MKLN1: variants seen among roughly 807,000 people sequenced by gnomAD.
MKLN1 encodes the protein muskelin 1.
MKLN1 carries 18 observed loss-of-function variants against 99.0 expected under a neutral mutation model. The observed-to-expected ratio is 0.18, with a 90% CI of 0.13 to 0.27. The LOEUF is 0.27. MKLN1 is among the 10% of genes least tolerant of loss of function. MKLN1 has a pLI of 1.00. For synonymous variants in MKLN1, 288 were observed against 293.2 expected (o/e 0.98, Z 0.18); for missense variants, 621 against 875.9 (o/e 0.71, Z 3.67).
rs149450738 is a variant in MKLN1, at chr7:131,289,054, G to T, written c.-179+86080G>T. Reference sequence around the variant, plus strand: ...TGCCCAGGCTAGTCTTGAACTCCTGGGCTCAGGCAATCCTTCCACCTCAGC... The same window carrying T: ...TGCCCAGGCTAGTCTTGAACTCCTGTGCTCAGGCAATCCTTCCACCTCAGC... On this transcript the variant is annotated intron_variant, in intron 3 of 7. Coordinates refer to the MKLN1 transcript ENST00000416992. 1.5e-3 allele frequency among the ~76,000 whole-genome samples: 227 copies of T among 152,132 alleles called. 5 individuals carry two copies. The East Asian group carries it at 0.034, about 23-fold the overall frequency.
At chr7:131,195,276 C>T (rs1796624867) in intron 2 of MKLN1, among the ~76,000 whole-genome samples, 3 of 151,838 alleles carry the variant, frequency 2.0e-5, no homozygotes, top group South Asian at 2.1e-4. Context: ...TTTGGGAGAC[C>T]GAGGCGGGTG....
chr7:131,186,957 G>A (rs1422561458), intron 2 of MKLN1, among the ~76,000 whole-genome samples: 2 of 152,162 alleles, frequency 1.3e-5, no homozygotes, highest in Admixed American at 6.5e-5. Context: ...TAAGAGAAGA[G>A]GGCTAAGTGT....
In MKLN1 at chr7:131,289,157, A is replaced by C. The variant is rs143954902; in HGVS notation, c.-179+86183A>C. 5.5e-3 allele frequency among the ~76,000 whole-genome samples: 831 copies of C among 152,240 alleles called. 8 individuals are homozygous for C. The highest frequency in any genetic ancestry group is 0.019 in the African/African-American group (778 of 41,550). On this transcript the variant is annotated intron_variant, in intron 3 of 7. Transcript: ENST00000416992. ...CTTCTTGACAAACCATCTCATGAGC[A>C]TAGGTCTGATGCCCTAGATCAGGTG... is the stretch of plus-strand genomic sequence containing the variant.
intron 1 of MKLN1, among the ~76,000 whole-genome samples, chr7:131,111,291 T>C (rs1341222834): frequency 6.6e-6 from 1 of 152,232 alleles, no homozygotes; most frequent in Non-Finnish European, 1.5e-5. Context: ...CTCAGGGTGT[T>C]ATTAAAATGA....
At chr7:131,289,934 A>G (rs4731779) in intron 3 of MKLN1, among the ~76,000 whole-genome samples, 136,337 of 152,244 alleles carry the variant, frequency 0.9, 61,114 homozygotes, top group East Asian at 0.96. Flanking sequence ...CTTCTAGGGG[A>G]ACACATGACC....
At chr7:131,277,722 G>C (rs1318414872) in intron 3 of MKLN1, among the ~76,000 whole-genome samples, 1 of 151,998 alleles carries the variant, frequency 6.6e-6, no homozygotes, top group African/African-American at 2.4e-5. Flanking sequence ...AGCCAATTGT[G>C]CATTTCAAAA....
At chr7:131,123,617 G>A (rs894793030) in intron 1 of MKLN1, among the ~76,000 whole-genome samples, 1 of 152,054 alleles carries the variant, frequency 6.6e-6, no homozygotes, top group African/African-American at 2.4e-5. Context: ...GTGAAACCCT[G>A]TCTCTAGTAA....
At chr7:131,402,489 A>G (rs760560472) in intron 6 of MKLN1, among the ~76,000 whole-genome samples, 1 of 152,224 alleles carries the variant, frequency 6.6e-6, no homozygotes, top group Non-Finnish European at 1.5e-5. Flanking sequence ...CCCATGAATC[A>G]TGAATGTTCT....
At chr7:131,308,306 G>C (rs932998668) in intron 3 of MKLN1, among the ~76,000 whole-genome samples, 1 of 148,076 alleles carries the variant, frequency 6.8e-6, no homozygotes, top group South Asian at 2.2e-4. Context: ...CTGTCAGCCA[G>C]GCTGGAATGC....
intron 8 of MKLN1, among the ~76,000 whole-genome samples, chr7:131,426,715 G>T (rs1374368803): frequency 6.6e-6 from 1 of 151,642 alleles, no homozygotes; most frequent in Non-Finnish European, 1.5e-5. Context: ...TTTTAAAGGT[G>T]GAAATGATGT....
In MKLN1 at chr7:131,178,373, G is replaced by A. The variant is rs1311728540; in HGVS notation, c.-296-24484G>A. Among the ~76,000 whole-genome samples the A allele has an allele frequency of 9.6e-5, 14 of 145,756 alleles. 1 individual carries two copies. The East Asian group carries it at 1.8e-3, about 19-fold the overall frequency. On this transcript the variant is annotated intron_variant, in intron 2 of 7. Coordinates refer to the MKLN1 transcript ENST00000416992. ...GCTGGTCTTGAACTCCTGACCTCAG[G>A]TGATCCACCTGCCTCGGCCTCCCAA...
rs538304145 is a variant in MKLN1 at position 131,123,833 on chromosome 7, T to C, written c.-419+13626T>C. 1.4e-4 allele frequency among the ~76,000 whole-genome samples: 21 copies of C among 151,930 alleles called. 1 individual carries two copies. In the South Asian group the frequency reaches 4.2e-3, roughly 30 times the overall value. ...TTCTTACATAGTACAGTACTGGGTA[T>C]TATGGAGTTGAAGATAAAAGGATAG... is the stretch of plus-strand genomic sequence containing the variant. On this transcript the variant is annotated intron_variant, in intron 1 of 7. Transcript: ENST00000416992.
intron 1 of MKLN1, among the ~76,000 whole-genome samples, chr7:131,131,439 C>T (rs1795550214): frequency 6.6e-6 from 1 of 152,186 alleles, no homozygotes; most frequent in South Asian, 2.1e-4. Flanking sequence ...GTAATAATAA[C>T]ACCACTTCCC....
chr7:131,388,825 T>C, intron 3 of MKLN1, 59 bp from the exon 4 acceptor site: 1 of 1,090,182 alleles, frequency 9.2e-7, no homozygotes. Flanking sequence ...TTAATTCGTG[T>C]TCTAGTGCAT....
chr7:131,329,598 C>T (rs1448231387), intron 1 of MKLN1, among the ~76,000 whole-genome samples: 1 of 152,090 alleles, frequency 6.6e-6, no homozygotes, highest in East Asian at 1.9e-4. Flanking sequence ...TTTTTCTGGT[C>T]TTGAATTAGC....
intron 1 of MKLN1, among the ~76,000 whole-genome samples, chr7:131,114,392 C>T (rs765111233): frequency 1.8e-4 from 28 of 152,066 alleles, no homozygotes; most frequent in South Asian, 4.2e-4. Flanking sequence ...GTCTAGAACT[C>T]AGGAGAGAGA....
intron 1 of MKLN1, among the ~76,000 whole-genome samples, chr7:131,133,975 G>C (rs1208450232): frequency 1.3e-5 from 2 of 150,668 alleles, no homozygotes; most frequent in African/African-American, 4.9e-5. Context: ...GATTACAGGC[G>C]CCTGCCACCA....
At chr7:131,466,776 T>TA (rs1345768507) in intron 15 of MKLN1, among the ~76,000 whole-genome samples, 1 of 152,248 alleles carries the variant, frequency 6.6e-6, no homozygotes, top group Non-Finnish European at 1.5e-5. Flanking sequence ...AATGTAGTGA[T>TA]ATAGTTGACT....
chr7:131,383,243 C>G (rs1410900594), intron 2 of MKLN1, among the ~76,000 whole-genome samples: 1 of 152,182 alleles, frequency 6.6e-6, no homozygotes, highest in Non-Finnish European at 1.5e-5. Flanking sequence ...GCAGTCTCTT[C>G]TACCTCATGA....
Sources: gnomAD v4.1 joint callset for allele counts (sites outside exome capture counted in the v4.1 genomes callset) on GRCh38, gnomAD v4.1.1 for gene constraint, MANE v1.5 for transcripts, NCBI Gene and HGNC (gene_info 2026-07-23, HGNC 2026-07-21) for gene names.